ZNF521: variants seen among roughly 807,000 people sequenced by gnomAD.
The protein encoded by ZNF521 is LYST-interacting protein 3.
A neutral mutation model predicts 105.5 loss-of-function variants in ZNF521; 14 were observed. The ratio of observed to expected loss-of-function variants is 0.13; its 90% CI spans 0.09 to 0.21. The LOEUF is 0.21. Ranked by LOEUF, ZNF521 falls within the 10% of genes least tolerant of loss-of-function variation. The pLI, the probability that ZNF521 is intolerant of heterozygous loss-of-function variation, is 1.00. For missense variants in ZNF521, 1,233 were observed against 1,629.7 expected, an observed-to-expected ratio of 0.76 and a Z score of 4.19; for synonymous variants, 635 against 606.0, an observed-to-expected ratio of 1.05 and a Z score of -0.70.
chr18:25,343,472 C>T (rs935295207), intron 2 of ZNF521, among the ~76,000 whole-genome samples: 2 of 152,062 alleles, frequency 1.3e-5, no homozygotes, highest in African/African-American at 2.4e-5. Flanking sequence ...GTTGTGATAA[C>T]TGAGGGACGT....
At chr18:25,240,511 G>C (rs1160298327) in intron 3 of ZNF521, among the ~76,000 whole-genome samples, 1 of 152,122 alleles carries the variant, frequency 6.6e-6, no homozygotes, top group Non-Finnish European at 1.5e-5. Context: ...AAACACGAGA[G>C]GGCTGTCAGA....
At chr18:25,308,669 A>T (rs1193546384) in intron 3 of ZNF521, among the ~76,000 whole-genome samples, 1 of 69,798 alleles carries the variant, frequency 1.4e-5, no homozygotes, top group African/African-American at 4.7e-5. Flanking sequence ...CCCACCCGCC[A>T]CAGCCCCTCC....
intron 3 of ZNF521, among the ~76,000 whole-genome samples, chr18:25,278,544 C>T (rs931803936): frequency 2.0e-5 from 3 of 152,152 alleles, no homozygotes; most frequent in Non-Finnish European, 2.9e-5. Context: ...AACCCAGCCT[C>T]GCTGGTGATA....
intron 3 of ZNF521, among the ~76,000 whole-genome samples, chr18:25,294,008 T>A (rs1911180787): frequency 6.6e-6 from 1 of 152,222 alleles, no homozygotes; most frequent in Non-Finnish European, 1.5e-5. Context: ...AGCAGTAACC[T>A]ACAATCTTAA....
chr18:25,113,751 A>AGGAC lies in ZNF521; in HGVS notation c.3659-21674_3659-21671dup, dbSNP rs762864822. On this transcript the variant is annotated intron_variant, in intron 5 of 7. Transcript: ENST00000361524. ...ACAGACAGACAGGCAGGCAGACCGA[A>AGGAC]GGACGGACGGACACACACACACACA... is the stretch of plus-strand genomic sequence containing the variant. Among the ~76,000 whole-genome samples the AGGAC allele has an allele frequency of 1.7e-3, 220 of 131,522 alleles. 60 individuals carry two copies. The highest frequency in any genetic ancestry group is 7.4e-3 in the Middle Eastern group (2 of 270). The allele number at this position is 131,522 out of a possible 152,430, so 86.3% of individuals were successfully genotyped here.
At chr18:25,224,208 G>T in intron 4 of ZNF521, 137 bp downstream of exon 4, 1 of 868,690 alleles carries the variant, frequency 1.2e-6, no homozygotes, top group Non-Finnish European at 1.8e-6. Flanking sequence ...GGCTATGGGG[G>T]AAAAAGAAAC....
rs558606534 is a variant in ZNF521 at position 25,352,018 on chromosome 18, G to T, written c.-15C>A. The T allele has an allele frequency of 2.1e-6, 1 of 472,784 alleles. No individual in the cohort carries two copies. The highest frequency in any genetic ancestry group is 4.3e-6 in the Non-Finnish European group (1 of 233,332). 29.3% of individuals were successfully genotyped at this position (472,784 alleles called of 1,614,324 possible). A position where few individuals can be genotyped will look rare whatever the true frequency, so the allele number is the denominator to read the frequency against. ...CTCATCACAAACCTGCAAGGTCTTG[G>T]ACTGCGCTGTCGCTCCGGTAGTCCA... is the stretch of plus-strand genomic sequence containing the variant. On this transcript the variant is annotated 5_prime_UTR_variant, in exon 1 of 8. Coordinates refer to ENST00000361524, the MANE Select transcript of ZNF521 (RefSeq NM_015461.3).
At chr18:25,299,065 C>A (rs1302152917) in intron 3 of ZNF521, among the ~76,000 whole-genome samples, 1 of 152,196 alleles carries the variant, frequency 6.6e-6, no homozygotes, top group Admixed American at 6.5e-5. Context: ...GAAAAACAAT[C>A]TGGAGATCAC....
chr18:25,220,880 C>T (rs1390335274), intron 4 of ZNF521, among the ~76,000 whole-genome samples: 1 of 152,122 alleles, frequency 6.6e-6, no homozygotes, highest in African/African-American at 2.4e-5. Context: ...TAGACAGTGC[C>T]CATGAACTCC....
chr18:25,255,598 T>G (rs1436984860), intron 3 of ZNF521, among the ~76,000 whole-genome samples: 1 of 152,130 alleles, frequency 6.6e-6, no homozygotes, highest in African/African-American at 2.4e-5. Flanking sequence ...ACACATTTGC[T>G]TCACTGATTT....
intron 5 of ZNF521, among the ~76,000 whole-genome samples, chr18:25,105,416 G>C (rs2034052247): frequency 6.6e-6 from 1 of 152,108 alleles, no homozygotes; most frequent in African/African-American, 2.4e-5. Flanking sequence ...AGATGTTGAA[G>C]GAAGTGTCTA....
intron 3 of ZNF521, among the ~76,000 whole-genome samples, chr18:25,277,872 T>C (rs1910135248): frequency 6.6e-6 from 1 of 152,170 alleles, no homozygotes; most frequent in Non-Finnish European, 1.5e-5. Flanking sequence ...GACTTAACTT[T>C]CAAAATATTT....
chr18:25,298,505 C>T (rs979309280), intron 3 of ZNF521, among the ~76,000 whole-genome samples: 1 of 152,148 alleles, frequency 6.6e-6, no homozygotes, highest in Non-Finnish European at 1.5e-5. Flanking sequence ...TTCTTCCTGC[C>T]TATCACAAGA....
At chr18:25,297,427 C>T (rs1417931710) in intron 3 of ZNF521, among the ~76,000 whole-genome samples, 1 of 152,082 alleles carries the variant, frequency 6.6e-6, no homozygotes, top group Non-Finnish European at 1.5e-5. Context: ...CATATTAAAT[C>T]CTTTCTTATT....
chr18:25,320,626 G>A (rs191857507), intron 3 of ZNF521, among the ~76,000 whole-genome samples: 72 of 152,286 alleles, frequency 4.7e-4, no homozygotes, highest in African/African-American at 1.7e-3. Flanking sequence ...GGAGAGGGAA[G>A]AAGAGAATAA....
At chr18:25,237,757 T>C (rs1216810529) in intron 3 of ZNF521, among the ~76,000 whole-genome samples, 1 of 152,206 alleles carries the variant, frequency 6.6e-6, no homozygotes, top group Non-Finnish European at 1.5e-5. Flanking sequence ...TCCTCCCACA[T>C]CTGAGCTCTG....
chr18:25,097,357 T>C (rs72881253), intron 5 of ZNF521, among the ~76,000 whole-genome samples: 18,684 of 152,202 alleles, frequency 0.12, 1,269 homozygotes, highest in Middle Eastern at 0.18. Context: ...CTTCAAAGTC[T>C]GCCGGTAGAT....
At chr18:25,275,476 T>C (rs1568049759) in intron 3 of ZNF521, among the ~76,000 whole-genome samples, 4 of 152,196 alleles carry the variant, frequency 2.6e-5, no homozygotes, top group African/African-American at 9.6e-5. Context: ...GGGCACCCAC[T>C]CATGCGGTAA....
At chr18:25,192,366 C>T (rs547201147) in intron 5 of ZNF521, among the ~76,000 whole-genome samples, 1 of 152,224 alleles carries the variant, frequency 6.6e-6, no homozygotes, top group Admixed American at 6.5e-5. Context: ...ACAAATGTCC[C>T]TGGCCAACAG....
Sources: gnomAD v4.1 joint callset for allele counts (sites outside exome capture counted in the v4.1 genomes callset) on GRCh38, gnomAD v4.1.1 for gene constraint, MANE v1.5 for transcripts, NCBI Gene and HGNC (gene_info 2026-07-23, HGNC 2026-07-21) for gene names.